ARHGEF11: variants seen among roughly 807,000 people sequenced by gnomAD.
ARHGEF11 encodes the protein Rho guanine nucleotide exchange factor 11.
ARHGEF11 carries 55 observed loss-of-function variants against 193.7 expected under a neutral mutation model. That is an observed-to-expected ratio of 0.28 (90% CI 0.23 to 0.36). The LOEUF is 0.36. ARHGEF11 is among the 10% of genes least tolerant of loss of function. ARHGEF11 has a pLI of 1.00. For synonymous variants in ARHGEF11, 693 were observed against 768.0 expected (o/e 0.90, Z 1.62); for missense variants, 1,723 against 2,005.6 (o/e 0.86, Z 2.69).
intron 1 of ARHGEF11, among the ~76,000 whole-genome samples, chr1:157,025,415 C>G (rs557241470): frequency 9.8e-4 from 149 of 152,258 alleles, no homozygotes; most frequent in Non-Finnish European, 1.5e-3. Flanking sequence ...TGAAATGAGA[C>G]AGGGCATAAA....
At chr1:156,950,711 G>A (rs139006868) in intron 22 of ARHGEF11, among the ~76,000 whole-genome samples, 2 of 152,114 alleles carry the variant, frequency 1.3e-5, no homozygotes, top group East Asian at 1.9e-4. Context: ...GAATATCCAC[G>A]CTGCTGCATA....
At chr1:156,990,704 A>G (rs1199018112) in intron 1 of ARHGEF11, among the ~76,000 whole-genome samples, 1 of 152,082 alleles carries the variant, frequency 6.6e-6, no homozygotes, top group Admixed American at 6.5e-5. Flanking sequence ...CCCTTTAAAA[A>G]AAAAGTTTAA....
upstream of ARHGEF11, among the ~76,000 whole-genome samples, chr1:157,046,004 C>G (rs916600808): frequency 2.0e-5 from 3 of 151,020 alleles, no homozygotes; most frequent in African/African-American, 4.8e-5. Context: ...TCGGTTCCCG[C>G]GGCCGCGACT....
At chr1:157,020,511 T>C (rs1669840347) in intron 1 of ARHGEF11, among the ~76,000 whole-genome samples, 1 of 152,234 alleles carries the variant, frequency 6.6e-6, no homozygotes, top group Non-Finnish European at 1.5e-5. Context: ...TCTTTGAATT[T>C]AAAATGGAAG....
rs189484842 is a variant in ARHGEF11, at chr1:157,024,068, C to T, written c.32+20231G>A. On this transcript the variant is annotated intron_variant, in intron 1 of 40. Coordinates refer to ENST00000368194, the MANE Select transcript of ARHGEF11 (RefSeq NM_198236.3). ...AACTGATGAACAGATAAATAGAAGG[C>T]GGTATATCCACATAACAGGATATTA... Among the ~76,000 whole-genome samples the T allele has an allele frequency of 3.6e-4, 54 of 149,080 alleles. 1 individual carries two copies. In the South Asian group the frequency reaches 6.3e-3, roughly 17 times the overall value.
chr1:156,954,993 A>G, intron 20 of ARHGEF11, 72 bp from the exon 21 acceptor site: 1 of 1,389,342 alleles, frequency 7.2e-7, no homozygotes, highest in Non-Finnish European at 1.0e-6. Flanking sequence ...TCAAAATAAA[A>G]ATTACATCAA....
Position 156,939,873 on chromosome 1 carries a change from C to CG in ARHGEF11, c.3770_3771insC (p.Pro1258AlafsTer44). ...CCTGAGTTTCCATGGTGTGACCTGG[C>CG]AGCAGGCTCCACAGGATCAGATGTC... On this transcript the variant is annotated frameshift_variant, in exon 37 of 41. Transcript: ENST00000368194. LOFTEE classifies it high-confidence loss of function. The CG allele has an allele frequency of 6.2e-7, 1 of 1,609,310 alleles. No homozygotes were observed. The highest frequency in any genetic ancestry group is 8.5e-7 in the Non-Finnish European group (1 of 1,179,900).
intron 1 of ARHGEF11, among the ~76,000 whole-genome samples, chr1:157,012,272 A>G (rs1668633526): frequency 6.6e-6 from 1 of 152,224 alleles, no homozygotes; most frequent in South Asian, 2.1e-4. Flanking sequence ...TGAAATATTC[A>G]GAATAGGCAA....
At chr1:156,938,357 C>A (rs1655972638) in intron 38 of ARHGEF11, 61 bp downstream of exon 38, 3 of 1,516,798 alleles carry the variant, frequency 2.0e-6, no homozygotes, top group South Asian at 1.2e-5. Flanking sequence ...TCCGACTCTG[C>A]CCTCACAGGT....
At chr1:156,987,528 G>C (rs1665106460) in intron 1 of ARHGEF11, among the ~76,000 whole-genome samples, 1 of 152,092 alleles carries the variant, frequency 6.6e-6, no homozygotes, top group Non-Finnish European at 1.5e-5. Context: ...GAATACAAAA[G>C]AAACATATAA....
Position 156,940,372 on chromosome 1 carries a change from G to C in ARHGEF11, c.3568C>G (p.Pro1190Ala). Reference protein sequence around the residue: ...QGKHQVLLEDPEQEGSAEEEE... With the variant: ...QGKHQVLLEDAEQEGSAEEEE... ...TCCTCTGCACTGCCCTCCTGCTCAG[G>C]GTCCTCTAGCAGGACCTGGTGCTTC... Residue 1190 changes from proline to alanine, a missense_variant, in exon 36 of 41, where the codon CCT (proline) becomes GCT (alanine). Transcript: ENST00000368194. 1.9e-6 allele frequency: 3 copies of C among 1,613,446 alleles called. No homozygotes were observed. Among genetic ancestry groups the C allele is most frequent in the Non-Finnish European group, 1.7e-6 (2 of 1,179,588 alleles).
At chr1:157,040,123 C>T (rs552695721) in intron 1 of ARHGEF11, among the ~76,000 whole-genome samples, 69 of 152,288 alleles carry the variant, frequency 4.5e-4, no homozygotes, top group Middle Eastern at 6.8e-3. Context: ...TAGTCTGCTC[C>T]TTCTCATAAT....
Position 156,939,484 on chromosome 1 carries a change from C to T in ARHGEF11, c.4096+64G>A, listed in dbSNP as rs115935778. ...GAGTATAGGGAAGGAAGCAGCTGTT[C>T]GGAAGACTTATCTCACCTAGCAAGG... On this transcript the variant is annotated intron_variant, in intron 37 of 40. Coordinates refer to ENST00000368194, the MANE Select transcript of ARHGEF11 (RefSeq NM_198236.3). 7.7e-5 allele frequency: 123 copies of T among 1,597,480 alleles called. No homozygotes were observed. In the African/African-American group the frequency reaches 1.3e-3, roughly 17 times the overall value.
intron 11 of ARHGEF11, among the ~76,000 whole-genome samples, chr1:156,966,970 C>T (rs1453308627): frequency 1.3e-5 from 2 of 152,200 alleles, no homozygotes; most frequent in Non-Finnish European, 2.9e-5. Context: ...ACTAATTCCC[C>T]TCATCAGAGG....
intron 26 of ARHGEF11, 142 bp from the exon 27 acceptor site, chr1:156,947,157 G>A: frequency 6.9e-7 from 1 of 1,455,784 alleles, no homozygotes. Context: ...GAACTCCAGT[G>A]CTGGTTTCAG....
chr1:156,969,238 C>G, intron 10 of ARHGEF11, 44 bp downstream of exon 10: 1 of 1,531,414 alleles, frequency 6.5e-7, no homozygotes, highest in Non-Finnish European at 8.9e-7. Flanking sequence ...GGGAAGGGAC[C>G]CCGAATGCAC....
intron 37 of ARHGEF11, 99 bp from the exon 38 acceptor site, chr1:156,938,612 AGG>A: frequency 9.1e-7 from 1 of 1,101,838 alleles, no homozygotes; most frequent in Non-Finnish European, 1.3e-6. Context: ...AGGTGGGGAC[AGG>A]GGGAGGAGAA....
intron 11 of ARHGEF11, among the ~76,000 whole-genome samples, chr1:156,966,483 C>T (rs972104422): frequency 6.6e-6 from 1 of 152,220 alleles, no homozygotes; most frequent in Non-Finnish European, 1.5e-5. Context: ...ACCTTCAATA[C>T]TGAAACTATG....
At position 156,935,463 on chromosome 1, in the gene ARHGEF11, C is replaced by T. The variant is rs1654883197; in HGVS notation, c.*537G>A. 6.6e-6 allele frequency: 1 copy of T among 152,454 alleles called. No homozygotes were observed. The highest frequency in any genetic ancestry group is 1.5e-5 in the Non-Finnish European group (1 of 68,210). 9.4% of individuals were successfully genotyped at this position (152,454 alleles called of 1,614,324 possible). On this transcript the variant is annotated 3_prime_UTR_variant, in exon 41 of 41. Transcript: ENST00000368194. Reference sequence around the variant, plus strand: ...AAGCAGCTCCTTCCATAACTGCCTCCAGCACTTCAGGAACAGGAACAAAAA... The same window carrying T: ...AAGCAGCTCCTTCCATAACTGCCTCTAGCACTTCAGGAACAGGAACAAAAA...
Sources: allele counts gnomAD v4.1 joint callset (sites outside exome capture counted in the v4.1 genomes callset), GRCh38; gene constraint gnomAD v4.1.1; transcripts MANE v1.5; gene names NCBI Gene and HGNC (gene_info 2026-07-23, HGNC 2026-07-21).